ABL2: variants seen among roughly 807,000 people sequenced by gnomAD.
The protein encoded by ABL2 is ABL proto-oncogene 2, non-receptor tyrosine kinase.
In ABL2, 49 loss-of-function variants were observed where a neutral mutation model predicts 107.7. The ratio of observed to expected loss-of-function variants is 0.45; its 90% CI spans 0.36 to 0.58. The LOEUF (loss-of-function observed/expected upper bound fraction) is 0.58, where lower values mean the gene tolerates loss of function less well. Among genes scored for constraint, ABL2 ranks in the 20% least tolerant of loss-of-function variants. The pLI, the probability that ABL2 is intolerant of heterozygous loss-of-function variation, is 0.00. For missense variants in ABL2, 1,245 were observed against 1,457.0 expected, an observed-to-expected ratio of 0.85 and a Z score of 2.37; for synonymous variants, 549 against 548.6, an observed-to-expected ratio of 1.00 and a Z score of -0.01.
chr1:179,168,704 T>C (rs891359440), intron 1 of ABL2, among the ~76,000 whole-genome samples: 2 of 151,944 alleles, frequency 1.3e-5, no homozygotes, highest in Non-Finnish European at 2.9e-5. Flanking sequence ...GGACACAGAG[T>C]AGATACATGA....
At chr1:179,213,649 A>G (rs1314651769) in intron 1 of ABL2, among the ~76,000 whole-genome samples, 2 of 152,324 alleles carry the variant, frequency 1.3e-5, no homozygotes, top group East Asian at 1.9e-4. Context: ...CAAGAGCCAC[A>G]GTGGCTACTA....
chr1:179,229,549 C>T lies in ABL2; in HGVS notation c.-152G>A, dbSNP rs1309198778. ...GGCCACCGGCGGCTCCGCACCCGGC[C>T]TCCTCACGGCAGCCGCCGCGCTGCC... On this transcript the variant is annotated 5_prime_UTR_variant, in exon 1 of 12. Coordinates refer to ENST00000502732, the MANE Select transcript of ABL2 (RefSeq NM_007314.4). The T allele has an allele frequency of 7.0e-6, 5 of 719,026 alleles. No homozygotes were observed. Among genetic ancestry groups the T allele is most frequent in the Middle Eastern group, 4.2e-4 (1 of 2,374 alleles). The allele number at this position is 719,026 out of a possible 1,614,324, so 44.5% of individuals were successfully genotyped here. A position where few individuals can be genotyped will look rare whatever the true frequency, so the allele number is the denominator to read the frequency against.
At chr1:179,127,329 T>C (rs944469325) in intron 3 of ABL2, among the ~76,000 whole-genome samples, 1 of 152,154 alleles carries the variant, frequency 6.6e-6, no homozygotes, top group African/African-American at 2.4e-5. Flanking sequence ...AAAATAGCTA[T>C]AGCTTTCTTA....
intron 1 of ABL2, among the ~76,000 whole-genome samples, chr1:179,136,916 C>CA (rs33980980): frequency 0.2 from 22,015 of 109,860 alleles, 2,514 homozygotes; most frequent in African/African-American, 0.36. Context: ...GACCCTGTCT[C>CA]AAAAAAAAAA....
At chr1:179,159,626 T>G (rs1181191186) in intron 1 of ABL2, among the ~76,000 whole-genome samples, 1 of 152,214 alleles carries the variant, frequency 6.6e-6, no homozygotes, top group Non-Finnish European at 1.5e-5. Context: ...TTTTGATTAA[T>G]AGCCATGGGC....
intron 4 of ABL2, among the ~76,000 whole-genome samples, chr1:179,125,247 A>C (rs1657377032): frequency 6.6e-6 from 1 of 152,230 alleles, no homozygotes; most frequent in Non-Finnish European, 1.5e-5. Flanking sequence ...AAAAAAGCAG[A>C]CGGCTGGAGG....
At chr1:179,206,159 AC>A (rs1244963804) in intron 1 of ABL2, among the ~76,000 whole-genome samples, 4 of 152,222 alleles carry the variant, frequency 2.6e-5, no homozygotes, top group Admixed American at 1.3e-4. Flanking sequence ...TATAATGTAT[AC>A]ATGTACATTA....
chr1:179,229,013 C>A (rs1467918072), intron 1 of ABL2, among the ~76,000 whole-genome samples: 1 of 152,218 alleles, frequency 6.6e-6, no homozygotes. Flanking sequence ...CCCAAACCCA[C>A]TTCTCTTTCC....
intron 8 of ABL2, among the ~76,000 whole-genome samples, 182 bp from the exon 9 acceptor site, chr1:179,115,212 G>A (rs1448308186): frequency 6.6e-6 from 1 of 152,108 alleles, no homozygotes; most frequent in East Asian, 1.9e-4. Flanking sequence ...ATTTGCAACA[G>A]GAATGCTGCA....
At chr1:179,123,112 A>C (rs534205354) in intron 4 of ABL2, among the ~76,000 whole-genome samples, 27 of 152,348 alleles carry the variant, frequency 1.8e-4, no homozygotes, top group African/African-American at 6.5e-4. Context: ...ACATAACTTG[A>C]AAACCACTGA....
intron 10 of ABL2, among the ~76,000 whole-genome samples, chr1:179,112,032 G>A (rs1165886180): frequency 6.6e-6 from 1 of 150,878 alleles, no homozygotes; most frequent in African/African-American, 2.4e-5. Flanking sequence ...GTGATAGAGT[G>A]AGACTCCATC....
chr1:179,199,825 T>C (rs1223516241), intron 1 of ABL2, among the ~76,000 whole-genome samples: 1 of 147,388 alleles, frequency 6.8e-6, no homozygotes, highest in Non-Finnish European at 1.5e-5. Context: ...CTTGAACTCC[T>C]GCGCTCAAGC....
rs750363086 is a variant in ABL2 at position 179,229,331 on chromosome 1, G to A, written c.67C>T (p.Arg23Trp). ...GAGGGCCTGGCTGCACTGCTGCCCC[G>A]GATCCCGCGGGGCTGAGGCTGCTGG... ...GLQQPQPRGIRGSSAARPSGR... is the reference protein window; with the variant it reads ...GLQQPQPRGIWGSSAARPSGR... Residue 23 changes from arginine (R) to tryptophan (W), a missense_variant, in exon 1 of 12, where the codon CGG (arginine) becomes TGG (tryptophan). Coordinates refer to ENST00000502732, the MANE Select transcript of ABL2 (RefSeq NM_007314.4). 3.2e-6 allele frequency: 5 copies of A among 1,584,274 alleles called. No homozygotes were observed. The highest frequency in any genetic ancestry group is 2.4e-5 in the East Asian group (1 of 42,526).
rs1424362484 is a variant in ABL2, at chr1:179,131,324, G to A, written c.378C>T (p.Leu126=). Residue 126 remains leucine, a synonymous_variant, in exon 3 of 12, where the codon CTC becomes CTT. Coordinates refer to ENST00000502732, the MANE Select transcript of ABL2 (RefSeq NM_007314.4). Reference sequence around the variant, plus strand: ...TAGAAGCCTCACCTTTAGTGATGCTGAGTGTGTTATCACCACTTGCTACAA... The same window carrying A: ...TAGAAGCCTCACCTTTAGTGATGCTAAGTGTGTTATCACCACTTGCTACAA... The part of the protein sequence containing the change: ...YDFVASGDNT[L]SITKGEKLRV... The A allele has an allele frequency of 6.2e-7, 1 of 1,613,892 alleles. No homozygotes were observed. The highest frequency in any genetic ancestry group is 8.5e-7 in the Non-Finnish European group (1 of 1,179,836).
At chr1:179,112,957 T>C (rs1319593392) in intron 9 of ABL2, among the ~76,000 whole-genome samples, 1 of 152,284 alleles carries the variant, frequency 6.6e-6, no homozygotes, top group South Asian at 2.1e-4. Context: ...TTTCGCCATG[T>C]TGGCCATGCT....
At chr1:179,172,900 A>G (rs1173056460) in intron 1 of ABL2, among the ~76,000 whole-genome samples, 5 of 152,190 alleles carry the variant, frequency 3.3e-5, no homozygotes, top group East Asian at 1.9e-4. Context: ...ATTAAAAATC[A>G]TAAGTTCGGC....
At chr1:179,124,464 CT>C (rs562899587) in intron 4 of ABL2, among the ~76,000 whole-genome samples, 30 of 83,352 alleles carry the variant, frequency 3.6e-4, no homozygotes, top group Admixed American at 1.8e-3. Flanking sequence ...TTAGCTTCTG[CT>C]TTTTTTTTTT....
intron 1 of ABL2, among the ~76,000 whole-genome samples, chr1:179,212,836 C>G (rs774997549): frequency 4.0e-5 from 6 of 151,776 alleles, no homozygotes; most frequent in African/African-American, 9.7e-5. Flanking sequence ...CACCTGAGAT[C>G]TGGAGCTCAA....
At chr1:179,114,625 TTCTTA>T (rs956101592) in intron 9 of ABL2, among the ~76,000 whole-genome samples, 1 of 152,186 alleles carries the variant, frequency 6.6e-6, no homozygotes, top group African/African-American at 2.4e-5. Context: ...TAAACTCAAT[TTCTTA>T]TCTTATTAAA....
Sources: gnomAD v4.1 joint callset for allele counts (sites outside exome capture counted in the v4.1 genomes callset) on GRCh38, gnomAD v4.1.1 for gene constraint, MANE v1.5 for transcripts, NCBI Gene and HGNC (gene_info 2026-07-23, HGNC 2026-07-21) for gene names.